The following ADCY9 variants were observed in gnomAD, a reference collection of about 807,000 sequenced individuals.
ADCY9 encodes the protein adenylate cyclase type 9.
Under a neutral mutation model 101.5 loss-of-function variants are expected in ADCY9, and 50 were observed. The ratio of observed to expected loss-of-function variants is 0.49; its 90% CI spans 0.39 to 0.62. ADCY9 has a LOEUF of 0.62. ADCY9 is among the 20% of genes least tolerant of loss of function. The pLI is 0.00. For synonymous variants in ADCY9, 905 were observed against 769.3 expected, an observed-to-expected ratio of 1.18 and a Z score of -2.92; for missense variants, 1,662 against 1,800.4, an observed-to-expected ratio of 0.92 and a Z score of 1.39.
chr16:3,988,047 G>A (rs112083364), intron 6 of ADCY9, among the ~76,000 whole-genome samples: 52 of 152,266 alleles, frequency 3.4e-4, no homozygotes, highest in Admixed American at 3.3e-4. Context: ...GTAAGGAGGG[G>A]CTGGAGGAGA....
intron 2 of ADCY9, among the ~76,000 whole-genome samples, chr16:4,014,779 T>TTCTC (rs113817433): frequency 6.0e-5 from 9 of 149,408 alleles, no homozygotes; most frequent in East Asian, 4.0e-4. Context: ...TGTGCACGCA[T>TTCTC]TCTCTCTCTC....
intron 2 of ADCY9, among the ~76,000 whole-genome samples, chr16:4,030,547 CA>C (rs2056548659): frequency 6.6e-6 from 1 of 152,058 alleles, no homozygotes; most frequent in East Asian, 1.9e-4. Flanking sequence ...ACTAAAAATA[CA>C]AAAAATCAGC....
At chr16:4,072,984 TA>T (rs2056843805) in intron 2 of ADCY9, among the ~76,000 whole-genome samples, 1 of 72,874 alleles carries the variant, frequency 1.4e-5, no homozygotes, top group Non-Finnish European at 2.7e-5. Context: ...CAAACCTTCA[TA>T]TCCTAAAAGA....
chr16:4,027,421 T>A (rs2056523356), intron 2 of ADCY9, among the ~76,000 whole-genome samples: 1 of 152,200 alleles, frequency 6.6e-6, no homozygotes, highest in Non-Finnish European at 1.5e-5. Context: ...ACTTTATAAT[T>A]ATCCGAGACT....
At chr16:4,085,765 C>G (rs1315434492) in intron 2 of ADCY9, among the ~76,000 whole-genome samples, 3 of 152,010 alleles carry the variant, frequency 2.0e-5, no homozygotes, top group African/African-American at 7.2e-5. Context: ...CCTGGACCCG[C>G]TGAGCCAGAC....
intron 2 of ADCY9, among the ~76,000 whole-genome samples, chr16:4,042,096 G>GT (rs1454733308): frequency 1.3e-5 from 2 of 151,662 alleles, no homozygotes; most frequent in Non-Finnish European, 2.9e-5. Flanking sequence ...GCTAATTTTT[G>GT]TTTTTTTAGC....
intron 7 of ADCY9, among the ~76,000 whole-genome samples, chr16:3,980,684 T>G (rs1164761885): frequency 1.3e-5 from 2 of 152,218 alleles, no homozygotes; most frequent in Non-Finnish European, 2.9e-5. Flanking sequence ...CCTCACCCTT[T>G]TAGGGTCCTG....
chr16:4,109,574 T>C (rs1195141534), intron 2 of ADCY9, among the ~76,000 whole-genome samples: 1 of 152,170 alleles, frequency 6.6e-6, no homozygotes, highest in Non-Finnish European at 1.5e-5. Context: ...TGACTCCACA[T>C]TGTCGCCAAG....
intron 2 of ADCY9, among the ~76,000 whole-genome samples, chr16:4,046,129 G>A (rs905898832): frequency 6.6e-6 from 1 of 152,116 alleles, no homozygotes; most frequent in Non-Finnish European, 1.5e-5. Context: ...GGGATCACAG[G>A]TGTGAGCCAC....
intron 2 of ADCY9, among the ~76,000 whole-genome samples, chr16:4,080,628 T>G (rs933298479): frequency 6.6e-6 from 1 of 151,886 alleles, no homozygotes; most frequent in African/African-American, 2.4e-5. Flanking sequence ...ATGTCTTATA[T>G]AAAATTAGTT....
chr16:3,972,078 G>A (rs927939477), intron 10 of ADCY9, among the ~76,000 whole-genome samples: 11 of 152,270 alleles, frequency 7.2e-5, no homozygotes, highest in African/African-American at 1.9e-4. Flanking sequence ...GGGCTGCCTC[G>A]CAACAGAAGG....
chr16:3,955,842 C>T (rs1483902095), intron 5 of ADCY9, among the ~76,000 whole-genome samples: 1 of 149,318 alleles, frequency 6.7e-6, no homozygotes, highest in Admixed American at 6.7e-5. Flanking sequence ...AGCCACCACA[C>T]CTGGCCAAAA....
intron 4 of ADCY9, among the ~76,000 whole-genome samples, chr16:3,993,187 C>G (rs1287767583): frequency 1.3e-5 from 2 of 152,212 alleles, no homozygotes; most frequent in African/African-American, 2.4e-5. Context: ...GAATCCCGCC[C>G]AGCTCAGCCC....
chr16:4,054,309 C>G (rs1008367185), intron 2 of ADCY9: 2 of 151,912 alleles, frequency 1.3e-5, no homozygotes, highest in South Asian at 4.2e-4. Context: ...CCGCCCCCGA[C>G]GAAGATCCCA....
chr16:4,077,034 G>A (rs137957017), intron 2 of ADCY9, among the ~76,000 whole-genome samples: 1 of 149,000 alleles, frequency 6.7e-6, no homozygotes, highest in South Asian at 2.1e-4. Context: ...CCGAGATCAC[G>A]CCATTGCATT....
At chr16:4,097,806 C>G (rs1466557322) in intron 2 of ADCY9, among the ~76,000 whole-genome samples, 1 of 151,748 alleles carries the variant, frequency 6.6e-6, no homozygotes, top group African/African-American at 2.4e-5. Context: ...CTTGGCCTCC[C>G]AAAGTGCTGG....
chr16:3,966,939 C>A lies in ADCY9; in HGVS notation c.2898G>T (p.Ser966=), dbSNP rs769823999. The A allele has an allele frequency of 6.2e-7, 1 of 1,613,250 alleles. No individual in the cohort carries two copies. The highest frequency in any genetic ancestry group is 1.3e-5 in the African/African-American group (1 of 74,908). The change falls in exon 11 of 11, where the codon TCG becomes TCT. Residue 966 remains serine (S), a synonymous_variant. Transcript: ENST00000294016. ...CGGGCCGCCGGAGGTCACGCGGCAC[C>A]GAACTATTGCACGGGTTCCTCTCGG... The part of the protein sequence containing the change: ...FSSERNPCNS[S]VPRDLRRPAS...
chr16:3,965,684 C>T lies in ADCY9; in HGVS notation c.*91G>A. ...CACATAACACCACGTCCGGGGAGGG[C>T]AACTGTGGCGCTTGGAAAGCACAAC... is the stretch of plus-strand genomic sequence containing the variant. On this transcript the variant is annotated 3_prime_UTR_variant, in exon 11 of 11. Transcript: ENST00000294016. 1 of 1,232,282 alleles carries T rather than the reference C, an allele frequency of 8.1e-7. No homozygotes were observed. The highest frequency in any genetic ancestry group is 1.1e-6 in the Non-Finnish European group (1 of 876,984). The allele number at this position is 1,232,282 out of a possible 1,614,324, so 76.3% of individuals were successfully genotyped here. A position where few individuals can be genotyped will look rare whatever the true frequency, so the allele number is the denominator to read the frequency against.
chr16:4,013,652 C>A (rs370750907), intron 2 of ADCY9, among the ~76,000 whole-genome samples: 7 of 152,210 alleles, frequency 4.6e-5, no homozygotes, highest in Non-Finnish European at 8.8e-5. Context: ...GCATTGCATT[C>A]TTCCTCACGA....
Sources: gnomAD v4.1 joint callset for allele counts (sites outside exome capture counted in the v4.1 genomes callset) on GRCh38, gnomAD v4.1.1 for gene constraint, MANE v1.5 for transcripts, NCBI Gene and HGNC (gene_info 2026-07-23, HGNC 2026-07-21) for gene names.